Variants in CFTR observed in about 807,000 individuals in gnomAD.
The protein encoded by CFTR is cystic fibrosis transmembrane conductance regulator.
A neutral mutation model predicts 171.6 loss-of-function variants in CFTR; 181 were observed. The observed-to-expected ratio is 1.05, with a 90% CI of 0.93 to 1.19. CFTR has a LOEUF of 1.19. Among genes scored for constraint, CFTR ranks in the 50% most tolerant of loss-of-function variants. The pLI, the probability that CFTR is intolerant of heterozygous loss-of-function variation, is 0.00. For missense variants in CFTR, 1,968 were observed against 1,734.7 expected (o/e 1.13, Z -2.39); for synonymous variants, 583 against 608.0 (o/e 0.96, Z 0.60).
intron 18 of CFTR, among the ~76,000 whole-genome samples, chr7:117,609,815 A>C (rs1187103752): frequency 6.6e-6 from 1 of 152,154 alleles, no homozygotes; most frequent in Admixed American, 6.5e-5. Context: ...TTTATCATGC[A>C]ATACTTTAAA....
intron 14 of CFTR, 85 bp downstream of exon 14, chr7:117,592,742 A>G: frequency 1.7e-6 from 2 of 1,200,398 alleles, no homozygotes; most frequent in Admixed American, 2.8e-5. Context: ...AAAATTTACT[A>G]AAATCATAGG....
rs769711210 is a variant in CFTR at position 117,540,343 on chromosome 7, A to G, written c.1113A>G (p.Ile371Met). Residue 371 changes from isoleucine to methionine, a missense_variant, in exon 8 of 27, where the codon ATA (isoleucine) becomes ATG (methionine). Physicochemically the swap from Ile to Met is conservative, Grantham distance 10. Transcript: ENST00000003084. ...ACTCTCTTGGAGCAATAAACAAAAT[A>G]CAGGTAATGTACCATAATGCTGCAT... Reference protein sequence around the residue: ...WYDSLGAINKIQDFLQKQEYK... With the variant: ...WYDSLGAINKMQDFLQKQEYK... The G allele has an allele frequency of 6.2e-7, 1 of 1,613,254 alleles. No individual in the cohort carries two copies. Among genetic ancestry groups the G allele is most frequent in the Non-Finnish European group, 8.5e-7 (1 of 1,179,232 alleles).
Position 117,592,143 on chromosome 7 carries a change from ATTCAATCCT to A in CFTR, c.1977_1985del (p.Asn659_Leu662delinsLys). On this transcript the variant is annotated inframe_deletion, in exon 14 of 27. Transcript: ENST00000003084. ...GACCAATTTAGTGCAGAAAGAAGAA[ATTCAATCCT>A]AACTGAGACCTTACACCGTTTCTCA... 1 of 1,614,054 alleles carries A rather than the reference ATTCAATCCT, an allele frequency of 6.2e-7. No homozygotes were observed. Among genetic ancestry groups the A allele is most frequent in the Admixed American group, 1.7e-5 (1 of 60,030 alleles).
chr7:117,498,724 A>G (rs1281918796), intron 1 of CFTR, among the ~76,000 whole-genome samples: 1 of 152,142 alleles, frequency 6.6e-6, no homozygotes, highest in Non-Finnish European at 1.5e-5. Context: ...TAACTAAAGC[A>G]AAGTGGTAGA....
chr7:117,533,633 A>T (rs990903294), intron 4 of CFTR, among the ~76,000 whole-genome samples: 1 of 152,160 alleles, frequency 6.6e-6, no homozygotes, highest in Non-Finnish European at 1.5e-5. Context: ...TTATAGGCAA[A>T]GTATGACTCT....
chr7:117,492,425 C>T (rs555165157), intron 1 of CFTR, among the ~76,000 whole-genome samples: 1 of 151,822 alleles, frequency 6.6e-6, no homozygotes, highest in African/African-American at 2.4e-5. Context: ...TCAGTGTCAT[C>T]ATGTGGGCTC....
chr7:117,596,471 A>T (rs1372162704), intron 15 of CFTR, among the ~76,000 whole-genome samples: 1 of 152,130 alleles, frequency 6.6e-6, no homozygotes, highest in African/African-American at 2.4e-5. Flanking sequence ...AGTCCCATAG[A>T]CCGCCCAAGG....
chr7:117,487,999 G>A (rs568290769), intron 1 of CFTR: 10 of 152,178 alleles, frequency 6.6e-5, no homozygotes, highest in African/African-American at 1.4e-4. Context: ...CCCTTTGTAC[G>A]TTTTATTTAT....
chr7:117,495,272 A>G (rs1236745626), intron 1 of CFTR, among the ~76,000 whole-genome samples: 3 of 152,114 alleles, frequency 2.0e-5, no homozygotes, highest in Admixed American at 6.6e-5. Flanking sequence ...TCATTCCCAG[A>G]TAGAATAAAA....
intron 24 of CFTR, among the ~76,000 whole-genome samples, chr7:117,660,283 A>T (rs760202587): frequency 1.3e-5 from 2 of 152,132 alleles, no homozygotes; most frequent in Non-Finnish European, 2.9e-5. Flanking sequence ...ACTGAGCTAA[A>T]GTTTGTACTT....
At chr7:117,571,165 C>G (rs994484417) in intron 11 of CFTR, among the ~76,000 whole-genome samples, 1 of 152,124 alleles carries the variant, frequency 6.6e-6, no homozygotes, top group Admixed American at 6.6e-5. Flanking sequence ...AAAGCCAGCT[C>G]TTGTCAGAAT....
chr7:117,524,844 A>G (rs1798748853), intron 3 of CFTR, among the ~76,000 whole-genome samples: 1 of 152,224 alleles, frequency 6.6e-6, no homozygotes, highest in African/African-American at 2.4e-5. Flanking sequence ...ACAAGTATCA[A>G]TAGGGATAAA....
At chr7:117,518,906 C>G (rs967238672) in intron 3 of CFTR, among the ~76,000 whole-genome samples, 6 of 152,062 alleles carry the variant, frequency 3.9e-5, no homozygotes, top group Admixed American at 1.3e-4. Flanking sequence ...TCTAGTATTA[C>G]TTTAGAAATT....
At chr7:117,533,495 T>A (rs1798896372) in intron 4 of CFTR, among the ~76,000 whole-genome samples, 1 of 152,092 alleles carries the variant, frequency 6.6e-6, no homozygotes, top group Admixed American at 6.6e-5. Flanking sequence ...ATCTTAATAA[T>A]CCCTGAGGCA....
chr7:117,585,600 C>T (rs1791918034), intron 11 of CFTR, among the ~76,000 whole-genome samples: 2 of 152,076 alleles, frequency 1.3e-5, no homozygotes, highest in Non-Finnish European at 2.9e-5. Flanking sequence ...TCTCTTCATT[C>T]TCTTTTTTTC....
At position 117,548,638 on chromosome 7, in the gene CFTR, C is replaced by A. The variant is rs1324592887; in HGVS notation, c.1210-3C>A. On this transcript the variant is annotated splice_polypyrimidine_tract_variant and splice_region_variant and intron_variant, in intron 9 of 26. Transcript: ENST00000003084. ...TGTGTGTGTGTGTGTGTTTTTTTAA[C>A]AGGGATTTGGGGAATTATTTGAGAA... 5 of 1,609,524 alleles carry A rather than the reference C, an allele frequency of 3.1e-6. No individual in the cohort carries two copies. Among genetic ancestry groups the A allele is most frequent in the Non-Finnish European group, 4.2e-6 (5 of 1,177,968 alleles).
intron 11 of CFTR, among the ~76,000 whole-genome samples, chr7:117,581,726 A>G (rs185817950): frequency 1.3e-5 from 2 of 152,158 alleles, no homozygotes; most frequent in African/African-American, 2.4e-5. Context: ...CATGTTTTGT[A>G]TTTTGTTTAA....
Position 117,592,269 on chromosome 7 carries a change from T to C in CFTR, c.2102T>C (p.Ile701Thr). The C allele has an allele frequency of 6.2e-7, 1 of 1,614,016 alleles. No individual in the cohort carries two copies. Among genetic ancestry groups the C allele is most frequent in the Non-Finnish European group, 8.5e-7 (1 of 1,180,040 alleles). The change falls in exon 14 of 27, where the codon ATT becomes ACT. Residue 701 changes from isoleucine (I) to threonine (T), a missense_variant. Coordinates refer to ENST00000003084, the MANE Select transcript of CFTR (RefSeq NM_000492.4). ...TTTGGGGAAAAAAGGAAGAATTCTA[T>C]TCTCAATCCAATCAACTCTATACGA... ...GEFGEKRKNS[I>T]LNPINSIRKF... is the part of the protein sequence containing the mutation.
In CFTR at chr7:117,592,639, T is replaced by C. The variant is rs1360465255; in HGVS notation, c.2472T>C (p.Ile824=). The C allele has an allele frequency of 4.5e-6, 7 of 1,542,172 alleles. No individual in the cohort carries two copies. Among genetic ancestry groups the C allele is most frequent in the Non-Finnish European group, 6.1e-6 (7 of 1,151,968 alleles). ...CTGGCTTGGAAATAAGTGAAGAAAT[T>C]AACGAAGAAGACTTAAAGGTAGGTA... The part of the protein sequence containing the change: ...QETGLEISEE[I]NEEDLKECFF... Residue 824 remains isoleucine (I), a synonymous_variant, in exon 14 of 27, where the codon ATT becomes ATC. Transcript: ENST00000003084.
Sources: gnomAD v4.1 joint callset for allele counts (sites outside exome capture counted in the v4.1 genomes callset) on GRCh38, gnomAD v4.1.1 for gene constraint, MANE v1.5 for transcripts, NCBI Gene and HGNC (gene_info 2026-07-23, HGNC 2026-07-21) for gene names.